PPP2R5C: variants seen among roughly 807,000 people sequenced by gnomAD.
PPP2R5C encodes the protein protein phosphatase 2 regulatory subunit B'gamma.
In PPP2R5C, 7 loss-of-function variants were observed where a neutral mutation model predicts 68.9. The ratio of observed to expected loss-of-function variants is 0.10; its 90% confidence interval spans 0.06 to 0.19. The LOEUF is 0.19. Ranked by LOEUF, PPP2R5C falls within the 10% of genes least tolerant of loss-of-function variation. PPP2R5C has a pLI of 1.00. For missense variants in PPP2R5C, 348 were observed against 641.3 expected (o/e 0.54, Z 4.94); for synonymous variants, 210 against 222.2 (o/e 0.95, Z 0.49).
At chr14:101,764,801 CTTTTT>C (rs34973768) in intron 2 of PPP2R5C, among the ~76,000 whole-genome samples, 1 of 129,370 alleles carries the variant, frequency 7.7e-6, no homozygotes, top group African/African-American at 2.9e-5. Flanking sequence ...TGCTATATGC[CTTTTT>C]TTTTTTTTTT....
In PPP2R5C at chr14:101,797,550, C is replaced by A. The variant is rs965496179; in HGVS notation, c.259+11367C>A. On this transcript the variant is annotated intron_variant, in intron 3 of 14. Transcript: ENST00000328724. This position sits in a 1 kb window ranked among gnomAD's most constrained non-coding sequence, Gnocchi z 4.2. Reference sequence around the variant, plus strand: ...TCACCTCTCGTGGGGTGGCCAAAACCCCAGCCAGGGCCACCTATCCCTTCA... The same window carrying A: ...TCACCTCTCGTGGGGTGGCCAAAACACCAGCCAGGGCCACCTATCCCTTCA... 7.4e-6 allele frequency: 2 copies of A among 269,272 alleles called. No homozygotes were observed. The highest frequency in any genetic ancestry group is 1.5e-5 in the Non-Finnish European group (2 of 133,472). 16.7% of individuals were successfully genotyped at this position (269,272 alleles called of 1,614,324 possible).
intron 2 of PPP2R5C, among the ~76,000 whole-genome samples, chr14:101,779,194 G>A (rs958611494): frequency 3.3e-5 from 5 of 152,332 alleles, no homozygotes; most frequent in South Asian, 2.1e-4. Context: ...AATTAAGGAC[G>A]TGAGAGACAG....
At chr14:101,855,192 C>T (rs1322910050) in intron 1 of PPP2R5C, among the ~76,000 whole-genome samples, 3 of 152,126 alleles carry the variant, frequency 2.0e-5, no homozygotes, top group African/African-American at 7.2e-5. Context: ...AGAAAATACC[C>T]ATGTTTTCTA....
At chr14:101,878,129 T>C (rs1389120401) in intron 2 of PPP2R5C, among the ~76,000 whole-genome samples, 1 of 152,116 alleles carries the variant, frequency 6.6e-6, no homozygotes, top group Non-Finnish European at 1.5e-5. Context: ...AGAAGGCGAG[T>C]GTGAGCCTTC....
intron 4 of PPP2R5C, 40 bp downstream of exon 6, chr14:101,883,389 G>T: frequency 6.2e-7 from 1 of 1,610,988 alleles, no homozygotes; most frequent in South Asian, 1.1e-5. Context: ...AGCCCTGATG[G>T]AATGATGACA....
chr14:101,914,786 A>G (rs1313635915), intron 12 of PPP2R5C, among the ~76,000 whole-genome samples: 1 of 152,226 alleles, frequency 6.6e-6, no homozygotes, highest in Non-Finnish European at 1.5e-5. Context: ...TAAAATCATG[A>G]AACATTGGCA....
intron 2 of PPP2R5C, among the ~76,000 whole-genome samples, chr14:101,764,247 G>A (rs1441499596): frequency 1.3e-5 from 2 of 152,146 alleles, no homozygotes; most frequent in Non-Finnish European, 2.9e-5. Context: ...GAGCACCTAG[G>A]GCCAAGGGTC....
chr14:101,899,909 G>A lies in PPP2R5C; in HGVS notation c.853-1810G>A, dbSNP rs1392222520. 6.6e-6 allele frequency among the ~76,000 whole-genome samples: 1 copy of A among 152,050 alleles called. No individual in the cohort carries two copies. Among genetic ancestry groups the A allele is most frequent in the Non-Finnish European group, 1.5e-5 (1 of 67,996 alleles). On this transcript the variant is annotated intron_variant, in intron 8 of 13. Coordinates refer to ENST00000334743, the Ensembl canonical transcript of PPP2R5C. The surrounding 1 kb of genome is among the most constrained non-coding windows in gnomAD (Gnocchi z 4.2). The stretch of plus-strand genomic sequence containing the variant: ...TTTTATTTTTATTTGGCTCTTTTGG[G>A]GTTTTTGTTTGTTTGTTAGATTCTT...
intron 2 of PPP2R5C, among the ~76,000 whole-genome samples, chr14:101,774,109 G>A (rs1456890906): frequency 6.6e-6 from 1 of 152,212 alleles, no homozygotes; most frequent in African/African-American, 2.4e-5. Context: ...GCTGAACAAG[G>A]AGACCAACTG....
At chr14:101,870,350 T>C (rs60171994) in intron 2 of PPP2R5C, among the ~76,000 whole-genome samples, 4 of 152,112 alleles carry the variant, frequency 2.6e-5, no homozygotes, top group Admixed American at 6.5e-5. Context: ...AGGTCTGTGA[T>C]CCATTTTGTC....
intron 5 of PPP2R5C, among the ~76,000 whole-genome samples, chr14:101,885,738 T>C (rs2044463875): frequency 6.6e-6 from 1 of 152,236 alleles, no homozygotes; most frequent in African/African-American, 2.4e-5. Flanking sequence ...GATGTCACTT[T>C]CCTAAATGTT....
intron 2 of PPP2R5C, chr14:101,765,563 C>A (rs921931406): frequency 5.1e-4 from 111 of 219,178 alleles, no homozygotes; most frequent in Middle Eastern, 3.5e-3. Context: ...ATGCTGCTTT[C>A]AAGCCTTTTT....
intron 6 of PPP2R5C, among the ~76,000 whole-genome samples, chr14:101,890,775 T>C (rs10148528): frequency 0.026 from 3,791 of 144,682 alleles, 113 homozygotes; most frequent in East Asian, 0.094. Context: ...TTTTTTTTTT[T>C]TTTTTTTTTT....
chr14:101,895,201 C>T (rs1228083057), intron 8 of PPP2R5C, among the ~76,000 whole-genome samples: 1 of 152,174 alleles, frequency 6.6e-6, no homozygotes, highest in Non-Finnish European at 1.5e-5. Flanking sequence ...CATTTAAATA[C>T]ATTTTTTGAA....
At chr14:101,793,853 G>A (rs974534621) in intron 3 of PPP2R5C, among the ~76,000 whole-genome samples, 1 of 152,204 alleles carries the variant, frequency 6.6e-6, no homozygotes, top group Non-Finnish European at 1.5e-5. Flanking sequence ...AGGAGACAGA[G>A]TGGGAAGGTA....
intron 9 of PPP2R5C, among the ~76,000 whole-genome samples, chr14:101,902,574 G>A (rs1172055014): frequency 6.6e-6 from 1 of 152,168 alleles, no homozygotes; most frequent in African/African-American, 2.4e-5. Context: ...CACAAAATAA[G>A]CAAGACCTCC....
chr14:101,827,640 C>T (rs1288357713), intron 1 of PPP2R5C, among the ~76,000 whole-genome samples: 2 of 152,112 alleles, frequency 1.3e-5, no homozygotes, highest in African/African-American at 2.4e-5. Context: ...CAATTTTGGT[C>T]GTCAAAAAGA....
At chr14:101,808,929 C>A (rs894928820), upstream of PPP2R5C, among the ~76,000 whole-genome samples, 3 of 152,164 alleles carry the variant, frequency 2.0e-5, no homozygotes, top group Non-Finnish European at 4.4e-5. Context: ...CCATCCAATT[C>A]AGAAATAATG....
chr14:101,883,246 T>A lies in PPP2R5C; in HGVS notation c.406-11T>A. Reference sequence around the variant, plus strand: ...TCATGTTATTTGACTCATTGTTTTTTTTCCTCCTAGCTTGTTTATGAATTT... The same window carrying A: ...TCATGTTATTTGACTCATTGTTTTTATTCCTCCTAGCTTGTTTATGAATTT... On this transcript the variant is annotated splice_polypyrimidine_tract_variant and intron_variant, in intron 3 of 13. Transcript: ENST00000334743. 1.3e-6 allele frequency: 2 copies of A among 1,507,124 alleles called. No homozygotes were observed. Among genetic ancestry groups the A allele is most frequent in the Non-Finnish European group, 1.8e-6 (2 of 1,107,494 alleles). The allele number at this position is 1,507,124 out of a possible 1,614,324, so 93.4% of individuals were successfully genotyped here. A position where few individuals can be genotyped will look rare whatever the true frequency, so the allele number is the denominator to read the frequency against.
Sources: gnomAD v4.1 joint callset for allele counts (sites outside exome capture counted in the v4.1 genomes callset) on GRCh38, gnomAD v4.1.1 for gene constraint, Gnocchi (gnomAD v3.1) non-coding constraint, MANE v1.5 for transcripts, NCBI Gene and HGNC (gene_info 2026-07-23, HGNC 2026-07-21) for gene names.